CCDC149: variants seen among roughly 807,000 people sequenced by gnomAD.
The protein encoded by CCDC149 is coiled-coil domain containing 149.
In CCDC149, 45 loss-of-function variants were observed where a neutral mutation model predicts 59.9. That is an observed-to-expected ratio of 0.75 (90% CI 0.59 to 0.96). The LOEUF (loss-of-function observed/expected upper bound fraction) is 0.96, where lower values mean the gene tolerates loss of function less well. CCDC149 is among the 40% of genes least tolerant of loss of function. The pLI is 0.00. For synonymous variants in CCDC149, 245 were observed against 260.6 expected (o/e 0.94, Z 0.58); for missense variants, 584 against 664.7 (o/e 0.88, Z 1.33).
intron 1 of CCDC149, among the ~76,000 whole-genome samples, chr4:24,926,246 CATT>C (rs1722431533): frequency 6.6e-6 from 1 of 152,166 alleles, no homozygotes; most frequent in Non-Finnish European, 1.5e-5. Flanking sequence ...TCATTCCTCC[CATT>C]TTGTTATAGG....
At chr4:24,875,559 T>TC (rs1054653754) in intron 2 of CCDC149, among the ~76,000 whole-genome samples, 4 of 151,678 alleles carry the variant, frequency 2.6e-5, no homozygotes, top group African/African-American at 9.7e-5. Flanking sequence ...GGTCTCAAAC[T>TC]CCTGGGCTCA....
At chr4:24,896,648 C>T (rs1453040485) in intron 1 of CCDC149, among the ~76,000 whole-genome samples, 1 of 151,680 alleles carries the variant, frequency 6.6e-6, no homozygotes, top group African/African-American at 2.4e-5. Context: ...TAATAAAATT[C>T]CAGTTTGGAA....
chr4:24,820,880 A>G (rs1053848261), intron 11 of CCDC149, among the ~76,000 whole-genome samples, 175 bp downstream of exon 11: 2 of 152,238 alleles, frequency 1.3e-5, no homozygotes, highest in East Asian at 3.8e-4. Flanking sequence ...CCCAAAGCTA[A>G]TGTCATCCTT....
At chr4:24,815,263 T>C (rs942159266) in intron 12 of CCDC149, among the ~76,000 whole-genome samples, 9 of 152,192 alleles carry the variant, frequency 5.9e-5, no homozygotes, top group African/African-American at 2.2e-4. Flanking sequence ...AAATGGTACT[T>C]TTGAAAAGGA....
intron 1 of CCDC149, among the ~76,000 whole-genome samples, chr4:24,895,985 C>T (rs560119383): frequency 6.6e-6 from 1 of 152,332 alleles, no homozygotes; most frequent in Admixed American, 6.5e-5. Flanking sequence ...ATGAGGAAAG[C>T]GGTCTTGCAG....
At chr4:24,949,620 C>T (rs1191857211) in intron 1 of CCDC149, among the ~76,000 whole-genome samples, 3 of 152,170 alleles carry the variant, frequency 2.0e-5, no homozygotes, top group Non-Finnish European at 4.4e-5. Context: ...GGGGCTTACA[C>T]ACATTTGCAA....
chr4:24,870,539 A>T (rs1364424236), intron 3 of CCDC149, among the ~76,000 whole-genome samples: 1 of 152,236 alleles, frequency 6.6e-6, no homozygotes, highest in Non-Finnish European at 1.5e-5. Context: ...AGGGACAGAA[A>T]CTTAATGCCG....
At chr4:24,922,445 C>T (rs933897718) in intron 1 of CCDC149, among the ~76,000 whole-genome samples, 2 of 152,186 alleles carry the variant, frequency 1.3e-5, no homozygotes, top group Admixed American at 1.3e-4. Flanking sequence ...TTCCTCCATG[C>T]AATCCACATC....
rs1366774168 is a variant in CCDC149, at chr4:24,806,401, G to C, written c.*1988C>G. ...TTCCTGACTCTGATGGAATGTGCTG[G>C]AGTCTATTACGAGCCCTGCTTTTCA... On this transcript the variant is annotated 3_prime_UTR_variant, in exon 13 of 13. Coordinates refer to ENST00000635206, the MANE Select transcript of CCDC149 (RefSeq NM_001330643.2). The C allele has an allele frequency of 6.6e-6, 1 of 152,284 alleles. No individual in the cohort carries two copies. Among genetic ancestry groups the C allele is most frequent in the Non-Finnish European group, 1.5e-5 (1 of 68,082 alleles). The allele number at this position is 152,284 out of a possible 1,614,324, so 9.4% of individuals were successfully genotyped here.
At chr4:24,972,952 C>G (rs1009525661) in intron 1 of CCDC149, among the ~76,000 whole-genome samples, 7 of 152,178 alleles carry the variant, frequency 4.6e-5, no homozygotes, top group Non-Finnish European at 2.9e-5. Flanking sequence ...GAAACATTCA[C>G]CATCTTTTGC....
At chr4:24,933,413 G>C (rs749107715) in intron 1 of CCDC149, among the ~76,000 whole-genome samples, 13 of 152,158 alleles carry the variant, frequency 8.5e-5, no homozygotes, top group Admixed American at 3.9e-4. Context: ...CTAGCAAACT[G>C]ATAGAGAACT....
chr4:24,889,596 A>C (rs1720408784), intron 1 of CCDC149, among the ~76,000 whole-genome samples: 1 of 152,234 alleles, frequency 6.6e-6, no homozygotes, highest in African/African-American at 2.4e-5. Context: ...GGCAGCTTGC[A>C]TCACCAACCC....
chr4:24,882,854 C>T (rs1461904224), intron 1 of CCDC149, among the ~76,000 whole-genome samples: 1 of 152,158 alleles, frequency 6.6e-6, no homozygotes, highest in Admixed American at 6.5e-5. Context: ...TCTACAGTCT[C>T]GATGATGAAT....
chr4:24,906,405 AT>A (rs1344934550), intron 1 of CCDC149, among the ~76,000 whole-genome samples: 1 of 142,258 alleles, frequency 7.0e-6, no homozygotes, highest in African/African-American at 2.7e-5. Flanking sequence ...ATTTTATTTT[AT>A]TTTACTTTAT....
chr4:24,825,726 T>G (rs556338781), intron 9 of CCDC149, among the ~76,000 whole-genome samples: 1 of 149,746 alleles, frequency 6.7e-6, no homozygotes, highest in Non-Finnish European at 1.5e-5. Context: ...TGAGCCGAGA[T>G]AGCGCCACTG....
chr4:24,931,003 T>C (rs910219469), intron 1 of CCDC149, among the ~76,000 whole-genome samples: 3 of 152,076 alleles, frequency 2.0e-5, no homozygotes, highest in Non-Finnish European at 2.9e-5. Flanking sequence ...AGGTAACACA[T>C]ACTTAATGGT....
chr4:24,878,595 C>T (rs970423806), intron 1 of CCDC149, among the ~76,000 whole-genome samples: 13 of 152,218 alleles, frequency 8.5e-5, no homozygotes, highest in African/African-American at 3.1e-4. Flanking sequence ...CAGTTCTTTT[C>T]CCGTAATCAG....
At chr4:24,853,694 A>G (rs1438565230) in intron 3 of CCDC149, among the ~76,000 whole-genome samples, 5 of 152,180 alleles carry the variant, frequency 3.3e-5, no homozygotes, top group African/African-American at 9.7e-5. Context: ...CAACATAGAA[A>G]AAGTTTCATT....
At chr4:24,852,284 CCATACACACACACACACACA>C (rs1249404539) in intron 4 of CCDC149, among the ~76,000 whole-genome samples, 30 of 109,370 alleles carry the variant, frequency 2.7e-4, no homozygotes, top group African/African-American at 5.3e-4. Context: ...CTCCAACACA[CCATACACACACACACACACA>C]CACACACACA....
Sources: gnomAD v4.1 joint callset for allele counts (sites outside exome capture counted in the v4.1 genomes callset) on GRCh38, gnomAD v4.1.1 for gene constraint, MANE v1.5 for transcripts, NCBI Gene and HGNC (gene_info 2026-07-23, HGNC 2026-07-21) for gene names.